EIF3A: variants seen among roughly 807,000 people sequenced by gnomAD.
EIF3A encodes the protein eukaryotic translation initiation factor 3 subunit A, also known as EIF3, p180 subunit.
EIF3A carries 21 observed loss-of-function variants against 186.6 expected under a neutral mutation model. The ratio of observed to expected loss-of-function variants is 0.11; its 90% CI spans 0.08 to 0.16. The LOEUF is 0.16. EIF3A is among the 10% of genes least tolerant of loss of function. The pLI, the probability that EIF3A is intolerant of heterozygous loss-of-function variation, is 1.00. For synonymous variants in EIF3A, 563 were observed against 584.3 expected, an observed-to-expected ratio of 0.96 and a Z score of 0.52; for missense variants, 1,306 against 1,796.3, an observed-to-expected ratio of 0.73 and a Z score of 4.93.
intron 17 of EIF3A, among the ~76,000 whole-genome samples, chr10:119,044,855 T>A (rs1848260750): frequency 6.6e-6 from 1 of 151,528 alleles, no homozygotes; most frequent in African/African-American, 2.4e-5. Flanking sequence ...CTCAAAAAAA[T>A]AAAAATAAAA....
intron 16 of EIF3A, 27 bp downstream of exon 16, chr10:119,050,494 C>T (rs1848342161): frequency 1.3e-6 from 2 of 1,599,200 alleles, no homozygotes; most frequent in African/African-American, 1.3e-5. Flanking sequence ...GCATTAGCAC[C>T]CCTCCAATCC....
rs568480874 is a variant in EIF3A, at chr10:119,078,241, A to G, written c.49+2387T>C. 2.6e-5 allele frequency among the ~76,000 whole-genome samples: 4 copies of G among 152,308 alleles called. No individual in the cohort carries two copies. In the East Asian group the frequency reaches 7.7e-4, roughly 29 times the overall value. Reference sequence around the variant, plus strand: ...CACCACTAATGATATAATATGAAAAAGGGGCCTTCTCCAAATGATTACAGG... The same window carrying G: ...CACCACTAATGATATAATATGAAAAGGGGGCCTTCTCCAAATGATTACAGG... On this transcript the variant is annotated intron_variant, in intron 1 of 21. Coordinates refer to ENST00000369144, the MANE Select transcript of EIF3A (RefSeq NM_003750.4).
chr10:119,079,492 A>T (rs1365017433), intron 1 of EIF3A, among the ~76,000 whole-genome samples: 1 of 152,174 alleles, frequency 6.6e-6, no homozygotes, highest in African/African-American at 2.4e-5. Context: ...CATCTACAAC[A>T]TGGGTAAAAC....
In EIF3A at chr10:119,065,487, T is replaced by C; in HGVS notation, c.1034A>G (p.Asp345Gly). 2 of 1,613,382 alleles carry C rather than the reference T, an allele frequency of 1.2e-6. No homozygotes were observed. ...ACGCTGTTTTTCAACTATAATGCCA[T>C]CCATATCCAGAAGTCGAGCAATATC... The part of the protein sequence containing the change: ...RTDIARLLDM[D>G]GIIVEKQRRL... The change falls in exon 7 of 22, where the codon GAT becomes GGT. Residue 345 changes from aspartate (D) to glycine (G), a missense_variant. Asp to Gly is a moderately conservative substitution (Grantham distance 94, BLOSUM62 -1). Transcript: ENST00000369144.
At chr10:119,046,206 T>C (rs914178018) in intron 17 of EIF3A, among the ~76,000 whole-genome samples, 2 of 152,166 alleles carry the variant, frequency 1.3e-5, no homozygotes, top group African/African-American at 4.8e-5. Flanking sequence ...TTCCGAGGAA[T>C]GAAACAGTAT....
At chr10:119,067,610 G>A (rs575844810) in intron 6 of EIF3A, among the ~76,000 whole-genome samples, 2 of 152,122 alleles carry the variant, frequency 1.3e-5, no homozygotes, top group South Asian at 2.1e-4. Context: ...AAGAAAGACC[G>A]TATCAGAAAG....
intron 17 of EIF3A, among the ~76,000 whole-genome samples, chr10:119,047,900 T>A (rs1320360494): frequency 6.6e-6 from 1 of 152,006 alleles, no homozygotes; most frequent in African/African-American, 2.4e-5. Context: ...AGAAAAGGCA[T>A]GCAAGATATC....
intron 1 of EIF3A, among the ~76,000 whole-genome samples, chr10:119,079,103 A>G (rs1844221621): frequency 6.6e-6 from 1 of 152,250 alleles, no homozygotes; most frequent in Admixed American, 6.5e-5. Context: ...AGTTTGGTTT[A>G]TAGTGACAAA....
At chr10:119,058,357 T>G in intron 11 of EIF3A, 54 bp from the exon 12 acceptor site, 1 of 1,266,342 alleles carries the variant, frequency 7.9e-7, no homozygotes, top group South Asian at 1.4e-5. Context: ...TCTCTGGTAT[T>G]AGGCATCAAA....
chr10:119,061,878 C>T (rs1045616519), intron 7 of EIF3A, among the ~76,000 whole-genome samples: 5 of 152,076 alleles, frequency 3.3e-5, no homozygotes, highest in African/African-American at 1.2e-4. Flanking sequence ...TTCAATTTTA[C>T]CATGGAATAT....
intron 4 of EIF3A, 146 bp from the exon 5 acceptor site, chr10:119,071,231 C>T: frequency 1.5e-6 from 1 of 654,340 alleles, no homozygotes; most frequent in Non-Finnish European, 2.6e-6. Context: ...TGAGAATCAA[C>T]TTATTTCATC....
Position 119,059,217 on chromosome 10 carries a change from T to A in EIF3A, c.1624A>T (p.Ile542Leu), listed in dbSNP as rs149307032. The change falls in exon 11 of 22, where the codon ATA becomes TTA. Residue 542 changes from isoleucine (I) to leucine (L), a missense_variant. Around this residue, in one of 8 missense-constraint regions of EIF3A, gnomAD observed 44 missense variants for 43.4 expected, o/e 1.01. Coordinates refer to ENST00000369144, the MANE Select transcript of EIF3A (RefSeq NM_003750.4). ...TTCCCCGGGAAGATGCATACCAGTA[T>A]ATGAGCTGGTTTAATGACTTCAAGT... The part of the protein sequence containing the change: ...KALEVIKPAH[I>L]LQEKEEQHQL... 4 of 1,613,664 alleles carry A rather than the reference T, an allele frequency of 2.5e-6. No individual in the cohort carries two copies. Among genetic ancestry groups the A allele is most frequent in the Non-Finnish European group, 3.4e-6 (4 of 1,179,624 alleles).
At chr10:119,076,078 G>A (rs1162749479) in intron 1 of EIF3A, among the ~76,000 whole-genome samples, 1 of 149,134 alleles carries the variant, frequency 6.7e-6, no homozygotes, top group African/African-American at 2.5e-5. Context: ...AGTAGCTCAC[G>A]CCATAATCAC....
At chr10:119,055,783 G>A (rs1843767767) in intron 14 of EIF3A, among the ~76,000 whole-genome samples, 1 of 151,928 alleles carries the variant, frequency 6.6e-6, no homozygotes, top group South Asian at 2.1e-4. Flanking sequence ...CAAACACCAT[G>A]GTTTAATTTT....
At chr10:119,065,352 CAA>C in intron 7 of EIF3A, 45 bp downstream of exon 7, 1 of 1,429,764 alleles carries the variant, frequency 7.0e-7, no homozygotes, top group Non-Finnish European at 9.7e-7. Flanking sequence ...AACCTGACCA[CAA>C]AGTTTTCTGC....
chr10:119,049,906 T>C lies in EIF3A; in HGVS notation c.2553A>G (p.Leu851=), dbSNP rs1441904938. Reference sequence around the variant, plus strand: ...GGCGTTTTTTCCTTTCCACTTCTTCTAATTTCTTCACCCGCTCCTGATACT... The same window carrying C: ...GGCGTTTTTTCCTTTCCACTTCTTCCAATTTCTTCACCCGCTCCTGATACT... The part of the protein sequence containing the change: ...LREYQERVKK[L]EEVERKKRQR... Residue 851 remains leucine, a synonymous_variant, in exon 17 of 22, where the codon TTA becomes TTG. Coordinates refer to ENST00000369144, the MANE Select transcript of EIF3A (RefSeq NM_003750.4). 1 of 1,614,184 alleles carries C rather than the reference T, an allele frequency of 6.2e-7. No homozygotes were observed. Among genetic ancestry groups the C allele is most frequent in the Non-Finnish European group, 8.5e-7 (1 of 1,180,026 alleles).
Position 119,073,683 on chromosome 10 carries a change from G to GT in EIF3A, c.240+63dup, listed in dbSNP as rs1297775328. The GT allele has an allele frequency of 3.2e-5, 50 of 1,559,470 alleles. No homozygotes were observed. The East Asian group carries it at 9.7e-4, about 30-fold the overall frequency. On this transcript the variant is annotated intron_variant, in intron 2 of 21. Transcript: ENST00000369144. ...AAATACAATATATTCACTTCGAAAGGTAAGTTCTTCGGCAGATTACTAAAA... is the reference window on the plus strand; with the variant it reads ...AAATACAATATATTCACTTCGAAAGGTTAAGTTCTTCGGCAGATTACTAAAA...
chr10:119,078,903 TATATAATATGTAGGCCATTA>T (rs1844217641), intron 1 of EIF3A, among the ~76,000 whole-genome samples: 1 of 151,920 alleles, frequency 6.6e-6, no homozygotes, highest in African/African-American at 2.4e-5. Context: ...ACACACCAAA[TATATAATATGTAGGCCATTA>T]TAATGCTTTG....
intron 9 of EIF3A, chr10:119,060,067 T>C (rs1409387218): frequency 7.7e-6 from 4 of 516,344 alleles, no homozygotes; most frequent in South Asian, 2.8e-5. Flanking sequence ...CTAATTAGCC[T>C]TCAATTATTT....
Sources: allele counts gnomAD v4.1 joint callset (sites outside exome capture counted in the v4.1 genomes callset), GRCh38; gene constraint gnomAD v4.1.1; regional missense constraint gnomAD v4.1.1; transcripts MANE v1.5; gene names NCBI Gene and HGNC (gene_info 2026-07-23, HGNC 2026-07-21).